Variants in RAB11FIP3 observed in about 807,000 individuals in gnomAD.
RAB11FIP3 encodes RAB11 family interacting protein 3.
Under a neutral mutation model 77.8 loss-of-function variants are expected in RAB11FIP3, and 17 were observed. The ratio of observed to expected loss-of-function variants is 0.22; its 90% confidence interval spans 0.15 to 0.33. The LOEUF (loss-of-function observed/expected upper bound fraction) is 0.33, where lower values mean the gene tolerates loss of function less well. Ranked by LOEUF, RAB11FIP3 falls within the 10% of genes least tolerant of loss-of-function variation. The probability of loss-of-function intolerance (pLI) is 1.00; values close to 1 mark genes in which losing one functional copy is unlikely to be tolerated. For synonymous variants in RAB11FIP3, 437 were observed against 448.2 expected (o/e 0.98, Z 0.31); for missense variants, 1,005 against 1,011.2 (o/e 0.99, Z 0.08).
intron 12 of RAB11FIP3, 71 bp downstream of exon 12, chr16:520,348 G>T (rs545739202): frequency 2.5e-6 from 4 of 1,571,188 alleles, no homozygotes; most frequent in Non-Finnish European, 3.4e-6. Context: ...GGAAGGGGGG[G>T]CCGTGGAGGG....
intron 5 of RAB11FIP3, among the ~76,000 whole-genome samples, chr16:492,029 C>T (rs8050450): frequency 0.87 from 132,179 of 152,238 alleles, 57,855 homozygotes; most frequent in East Asian, 1. Flanking sequence ...GTTATCCTGA[C>T]GGTTCTAGCA....
At chr16:500,703 A>AAG (rs2031456215) in intron 6 of RAB11FIP3, among the ~76,000 whole-genome samples, 1 of 150,228 alleles carries the variant, frequency 6.7e-6, no homozygotes, top group Non-Finnish European at 1.5e-5. Flanking sequence ...AAAAAAAAAA[A>AAG]AAAAAAAAAA....
intron 2 of RAB11FIP3, among the ~76,000 whole-genome samples, chr16:466,427 G>T (rs1056921438): frequency 6.6e-6 from 1 of 152,182 alleles, no homozygotes; most frequent in African/African-American, 2.4e-5. Context: ...AACGTGAAAT[G>T]GGGCAAGCTC....
intron 1 of RAB11FIP3, among the ~76,000 whole-genome samples, chr16:459,220 G>C (rs750258590): frequency 6.7e-6 from 1 of 149,302 alleles, no homozygotes; most frequent in Non-Finnish European, 1.5e-5. Context: ...TCCACCTCCC[G>C]GATTCAAGCA....
At chr16:475,055 G>A (rs1285571564) in intron 3 of RAB11FIP3, 13 of 1,551,550 alleles carry the variant, frequency 8.4e-6, no homozygotes, top group Non-Finnish European at 1.1e-5. Flanking sequence ...GGTGTGTACA[G>A]AGCCAGGCCC....
chr16:496,867 G>A lies in RAB11FIP3; in HGVS notation c.1301+8G>A. 6.3e-7 allele frequency: 1 copy of A among 1,576,296 alleles called. No homozygotes were observed. On this transcript the variant is annotated splice_region_variant and intron_variant, in intron 6 of 13. Transcript: ENST00000262305. ...CAGCAAGAAGGTGGCAAGGTAGGTGGGTCTCTGGTTCCTGCTGAAAAACGT... is the reference window on the plus strand; with the variant it reads ...CAGCAAGAAGGTGGCAAGGTAGGTGAGTCTCTGGTTCCTGCTGAAAAACGT...
Position 510,764 on chromosome 16 carries a change from G to A in RAB11FIP3, c.1604G>A (p.Arg535Lys). 6.2e-7 allele frequency: 1 copy of A among 1,613,418 alleles called. No homozygotes were observed. Among genetic ancestry groups the A allele is most frequent in the African/African-American group, 1.3e-5 (1 of 75,038 alleles). ...AAGGAGCTCCTGTGCAAGATGGAGA[G>A]GGAGAAGAGCATTGAGATCGAGAAC... ...RQKELLCKMEREKSIEIENLQ... is the reference protein window; with the variant it reads ...RQKELLCKMEKEKSIEIENLQ... Residue 535 changes from arginine to lysine, a missense_variant, in exon 9 of 14, where the codon AGG becomes AAG. Arg to Lys is a conservative substitution (Grantham distance 26, BLOSUM62 2). Coordinates refer to ENST00000262305, the MANE Select transcript of RAB11FIP3 (RefSeq NM_014700.4).
At chr16:512,240 G>C (rs949335352) in intron 9 of RAB11FIP3, among the ~76,000 whole-genome samples, 1 of 150,982 alleles carries the variant, frequency 6.6e-6, no homozygotes, top group Non-Finnish European at 1.5e-5. Flanking sequence ...TTTTTTTTTG[G>C]GTGGGGGTGG....
intron 3 of RAB11FIP3, among the ~76,000 whole-genome samples, chr16:481,798 G>A (rs879619791): frequency 3.2e-5 from 1 of 30,954 alleles, no homozygotes; most frequent in Non-Finnish European, 7.3e-5. Flanking sequence ...AAGCTCCTCC[G>A]TCAGTCTCTT....
In RAB11FIP3 at chr16:482,652, G is replaced by A; in HGVS notation, c.1031G>A (p.Ser344Asn). 6.2e-7 allele frequency: 1 copy of A among 1,613,206 alleles called. No individual in the cohort carries two copies. The highest frequency in any genetic ancestry group is 8.5e-7 in the Non-Finnish European group (1 of 1,180,028). The change falls in exon 4 of 14, where the codon AGT becomes AAT. Residue 344 changes from serine to asparagine, a missense_variant. Coordinates refer to ENST00000262305, the MANE Select transcript of RAB11FIP3 (RefSeq NM_014700.4). The part of the protein sequence containing the change: ...PELQPEGDAD[S>N]AGGSAVPSEC... ...CTGCAACCTGAAGGGGACGCAGACA[G>A]TGCCGGCGGCTCGGCCGTGCCCTCT...
At chr16:445,488 A>T (rs901396846) in intron 1 of RAB11FIP3, among the ~76,000 whole-genome samples, 1 of 152,218 alleles carries the variant, frequency 6.6e-6, no homozygotes, top group African/African-American at 2.4e-5. Context: ...TACTATGCCA[A>T]TATGGGAGCT....
intron 6 of RAB11FIP3, among the ~76,000 whole-genome samples, chr16:498,364 G>A (rs7190069): frequency 0.023 from 3,474 of 152,122 alleles, 136 homozygotes; most frequent in African/African-American, 0.079. Context: ...TAATAGAGAT[G>A]GAGTTTCACT....
chr16:476,379 A>C (rs2141702049), intron 3 of RAB11FIP3, among the ~76,000 whole-genome samples: 1 of 152,334 alleles, frequency 6.6e-6, no homozygotes, highest in East Asian at 1.9e-4. Flanking sequence ...TTTTGCCTGC[A>C]GGGGCACCAT....
rs1223854029 is a variant in RAB11FIP3, at chr16:520,999, G to C, written c.*160G>C. On this transcript the variant is annotated 3_prime_UTR_variant, in exon 14 of 14. Coordinates refer to ENST00000262305, the MANE Select transcript of RAB11FIP3 (RefSeq NM_014700.4). The stretch of plus-strand genomic sequence containing the variant: ...TGAGCTGGGGCCGCCAAAGACCGGG[G>C]CTGCCAAAGGGGCAGAGGGTGGTGG... The C allele has an allele frequency of 1.8e-5, 12 of 650,904 alleles. No homozygotes were observed. Among genetic ancestry groups the C allele is most frequent in the Non-Finnish European group, 3.3e-5 (12 of 364,246 alleles). 40.3% of individuals were successfully genotyped at this position (650,904 alleles called of 1,614,324 possible).
At chr16:495,519 T>A (rs2031042931) in intron 5 of RAB11FIP3, among the ~76,000 whole-genome samples, 1 of 152,196 alleles carries the variant, frequency 6.6e-6, no homozygotes, top group South Asian at 2.1e-4. Context: ...GAGTAGGTAC[T>A]GGGGAGACTG....
At chr16:492,376 G>C (rs904473744) in intron 5 of RAB11FIP3, among the ~76,000 whole-genome samples, 2 of 144,856 alleles carry the variant, frequency 1.4e-5, no homozygotes, top group Non-Finnish European at 3.1e-5. Context: ...CGGGAGACCC[G>C]AGGCCGCCCA....
At chr16:492,540 A>AGGGCCCTTCCCGGGAGACCCGAGGCC (rs2030655052) in intron 5 of RAB11FIP3, among the ~76,000 whole-genome samples, 3 of 137,796 alleles carry the variant, frequency 2.2e-5, no homozygotes, top group East Asian at 2.0e-4. Flanking sequence ...GAGGCCGTCC[A>AGGGCCCTTCCCGGGAGACCCGAGGCC]GAATCTTGGA....
chr16:458,620 A>ACAGGGCCTGGGGGGCCTTCCTCGGGT (rs2055548157), intron 1 of RAB11FIP3, among the ~76,000 whole-genome samples: 27 of 151,842 alleles, frequency 1.8e-4, no homozygotes, highest in South Asian at 2.1e-4. Context: ...ACCGATGCTC[A>ACAGGGCCTGGGGGGCCTTCCTCGGGT]TCTGCCGTAA....
At chr16:517,877 T>C (rs2032490160) in intron 9 of RAB11FIP3, among the ~76,000 whole-genome samples, 2 of 152,036 alleles carry the variant, frequency 1.3e-5, no homozygotes, top group Admixed American at 6.6e-5. Context: ...GGTCAGGAAA[T>C]TGAGACCATC....
Sources: allele counts gnomAD v4.1 joint callset (sites outside exome capture counted in the v4.1 genomes callset), GRCh38; gene constraint gnomAD v4.1.1; transcripts MANE v1.5; gene names NCBI Gene and HGNC (gene_info 2026-07-23, HGNC 2026-07-21).